Variants in MAGI2 observed in about 807,000 individuals in gnomAD.
The protein encoded by MAGI2 is membrane-associated guanylate kinase, WW and PDZ domain-containing protein 2.
In MAGI2, 35 loss-of-function variants were observed where a neutral mutation model predicts 133.3. The ratio of observed to expected loss-of-function variants is 0.26; its 90% CI spans 0.20 to 0.35. The LOEUF is 0.35. Among genes scored for constraint, MAGI2 ranks in the 10% least tolerant of loss-of-function variants. The pLI is 1.00. For missense variants in MAGI2, 1,636 were observed against 1,863.4 expected (o/e 0.88, Z 2.25); for synonymous variants, 729 against 710.6 (o/e 1.03, Z -0.41).
intron 1 of MAGI2, among the ~76,000 whole-genome samples, chr7:79,078,708 C>T (rs1815767918): frequency 6.6e-6 from 1 of 152,094 alleles, no homozygotes; most frequent in Admixed American, 6.6e-5. Flanking sequence ...TCAATGAGAG[C>T]CAATTTTTAT....
At chr7:79,136,073 GAAAGAAAGAAAGAAA>G (rs1821492415) in intron 1 of MAGI2, among the ~76,000 whole-genome samples, 1 of 37,248 alleles carries the variant, frequency 2.7e-5, no homozygotes. Context: ...AAGAAGGAAA[GAAAGAAAGAAAGAAA>G]GAAAGAAAGA....
chr7:78,914,903 C>A (rs577038818), intron 2 of MAGI2, among the ~76,000 whole-genome samples: 12 of 152,096 alleles, frequency 7.9e-5, no homozygotes, highest in African/African-American at 2.7e-4. Flanking sequence ...AGCAGAAGAT[C>A]ATGTTAATGA....
chr7:79,287,324 T>C (rs1014279115), intron 1 of MAGI2, among the ~76,000 whole-genome samples: 1 of 152,114 alleles, frequency 6.6e-6, no homozygotes, highest in East Asian at 1.9e-4. Flanking sequence ...TATATCCCTA[T>C]ATTAATATTA....
chr7:78,256,660 C>T, intron 9 of MAGI2, 79 bp from the exon 10 acceptor site: 1 of 1,186,052 alleles, frequency 8.4e-7, no homozygotes, highest in Non-Finnish European at 1.2e-6. Context: ...ATTTACGAGA[C>T]TAGTGAGAGG....
chr7:79,299,843 C>A (rs1462311787), intron 1 of MAGI2, among the ~76,000 whole-genome samples: 1 of 151,988 alleles, frequency 6.6e-6, no homozygotes, highest in Non-Finnish European at 1.5e-5. Context: ...AAGGAGTGAT[C>A]TGTCACAAAA....
At chr7:78,806,341 T>A (rs1306450673) in intron 2 of MAGI2, among the ~76,000 whole-genome samples, 2 of 152,156 alleles carry the variant, frequency 1.3e-5, no homozygotes, top group Non-Finnish European at 2.9e-5. Context: ...TAGAATAATA[T>A]ATTTAAATTT....
intron 20 of MAGI2, among the ~76,000 whole-genome samples, chr7:78,080,891 A>G (rs975203795): frequency 2.6e-5 from 4 of 152,114 alleles, no homozygotes; most frequent in African/African-American, 9.7e-5. Context: ...CTGTCCTCAT[A>G]TGTATCCCAT....
intron 1 of MAGI2, among the ~76,000 whole-genome samples, chr7:79,045,714 C>G (rs971394565): frequency 6.6e-6 from 1 of 152,114 alleles, no homozygotes; most frequent in African/African-American, 2.4e-5. Context: ...ATGGCGTGAA[C>G]CCGGGAGGCA....
chr7:78,176,251 C>G (rs1360567977), intron 14 of MAGI2, among the ~76,000 whole-genome samples: 2 of 152,240 alleles, frequency 1.3e-5, no homozygotes, highest in Non-Finnish European at 2.9e-5. Context: ...AGCATTTTCC[C>G]TCCTCTCAAA....
At chr7:78,554,971 C>A (rs940271014) in intron 3 of MAGI2, among the ~76,000 whole-genome samples, 53 of 151,756 alleles carry the variant, frequency 3.5e-4, no homozygotes, top group African/African-American at 1.1e-3. Flanking sequence ...GATGGTGAAA[C>A]CTCATGTCTA....
At chr7:78,817,735 A>G (rs1199075049) in intron 2 of MAGI2, among the ~76,000 whole-genome samples, 5 of 148,248 alleles carry the variant, frequency 3.4e-5, no homozygotes, top group African/African-American at 1.2e-4. Flanking sequence ...TTTTAGCTGG[A>G]GTTGTATTCT....
At chr7:78,452,560 C>T (rs540238020) in intron 6 of MAGI2, among the ~76,000 whole-genome samples, 1 of 151,776 alleles carries the variant, frequency 6.6e-6, no homozygotes, top group Non-Finnish European at 1.5e-5. Context: ...TAAAAATGTA[C>T]CTTTTTCTGG....
intron 1 of MAGI2, among the ~76,000 whole-genome samples, chr7:79,322,142 C>T (rs905612378): frequency 1.3e-5 from 2 of 152,072 alleles, no homozygotes; most frequent in Middle Eastern, 3.2e-3. Flanking sequence ...AAAAAAGTAG[C>T]TGGTTCAAAT....
At chr7:79,111,947 G>A (rs1818964573) in intron 1 of MAGI2, among the ~76,000 whole-genome samples, 1 of 152,022 alleles carries the variant, frequency 6.6e-6, no homozygotes, top group Admixed American at 6.5e-5. Flanking sequence ...GATTACAGGT[G>A]TGAGCCACTG....
At chr7:78,293,018 G>T (rs935075950) in intron 9 of MAGI2, among the ~76,000 whole-genome samples, 8 of 152,186 alleles carry the variant, frequency 5.3e-5, no homozygotes, top group African/African-American at 1.9e-4. Flanking sequence ...CAGGACATAG[G>T]CATGGGCGAA....
intron 2 of MAGI2, among the ~76,000 whole-genome samples, chr7:78,751,835 A>G (rs1262059816): frequency 6.6e-6 from 1 of 152,224 alleles, no homozygotes; most frequent in African/African-American, 2.4e-5. Context: ...TTTTTGCCAC[A>G]GGGCAGACAC....
chr7:78,380,939 T>G (rs1165328831), intron 6 of MAGI2, among the ~76,000 whole-genome samples: 2 of 152,136 alleles, frequency 1.3e-5, no homozygotes, highest in African/African-American at 4.8e-5. Context: ...AAACCTAAAA[T>G]GGGCAATTTC....
chr7:79,134,718 T>C (rs1821221432), intron 1 of MAGI2, among the ~76,000 whole-genome samples: 1 of 152,240 alleles, frequency 6.6e-6, no homozygotes. Context: ...AATATTAAGA[T>C]TTAAGAAAAG....
chr7:78,879,122 T>C (rs1029299637), intron 2 of MAGI2, among the ~76,000 whole-genome samples: 1 of 152,134 alleles, frequency 6.6e-6, no homozygotes, highest in Non-Finnish European at 1.5e-5. Context: ...TCTCCATGCA[T>C]AGGCCCAACT....
Sources: allele counts gnomAD v4.1 joint callset (sites outside exome capture counted in the v4.1 genomes callset), GRCh38; gene constraint gnomAD v4.1.1; transcripts MANE v1.5; gene names NCBI Gene and HGNC (gene_info 2026-07-23, HGNC 2026-07-21).